The following SYT2 variants were observed in gnomAD, a reference collection of about 807,000 sequenced individuals.
The protein encoded by SYT2 is synaptotagmin 2.
A neutral mutation model predicts 39.9 loss-of-function variants in SYT2; 15 were observed. That is an observed-to-expected ratio of 0.38 (90% CI 0.25 to 0.58). The LOEUF (loss-of-function observed/expected upper bound fraction) is 0.58. SYT2 is among the 20% of genes least tolerant of loss of function. The pLI, the probability that SYT2 is intolerant of heterozygous loss-of-function variation, is 0.70. For missense variants in SYT2, 389 were observed against 530.3 expected, an observed-to-expected ratio of 0.73 and a Z score of 2.62; for synonymous variants, 181 against 204.5, an observed-to-expected ratio of 0.89 and a Z score of 0.98.
At position 202,691,223 on chromosome 1, in the gene SYT2, C is replaced by A. The variant is rs374727098; in HGVS notation, c.-18+19035G>T. 1.2e-4 allele frequency among the ~76,000 whole-genome samples: 18 copies of A among 152,302 alleles called. 1 individual carries two copies. Among genetic ancestry groups the A allele is most frequent in the African/African-American group, 4.3e-4 (18 of 41,566 alleles). On this transcript the variant is annotated intron_variant, in intron 1 of 8. Coordinates refer to ENST00000367268, the MANE Select transcript of SYT2 (RefSeq NM_177402.5). ...GTGGAGGGTTCCAAGTGATCCCACTCAGTATACAGAGCCTGGGCTAGCTTT... is the reference window on the plus strand; with the variant it reads ...GTGGAGGGTTCCAAGTGATCCCACTAAGTATACAGAGCCTGGGCTAGCTTT...
chr1:202,637,716 G>A (rs533636785), intron 1 of SYT2, among the ~76,000 whole-genome samples: 1 of 152,370 alleles, frequency 6.6e-6, no homozygotes, highest in Non-Finnish European at 1.5e-5. Flanking sequence ...GCTGAGGCCA[G>A]GCCAAGGGCC....
intron 3 of SYT2, 112 bp downstream of exon 3, chr1:202,604,343 G>A: frequency 9.2e-7 from 1 of 1,085,996 alleles, no homozygotes; most frequent in Non-Finnish European, 1.4e-6. Context: ...CAAGTTTTAA[G>A]GAGGGGAGCA....
At position 202,604,461 on chromosome 1, in the gene SYT2, C is replaced by G; in HGVS notation, c.339G>C (p.Gly113=). ...CACAACCAATGTGCCCTACCTGACC[C>G]CCTTTCATGTCCTTCATGTTCATGG... ...KNAMNMKDMK[G]GQDDDDAETG... The change falls in exon 3 of 9, where the codon GGG becomes GGC. Residue 113 remains glycine, a synonymous_variant. Transcript: ENST00000367268. The G allele has an allele frequency of 6.2e-7, 1 of 1,614,134 alleles. No homozygotes were observed.
chr1:202,702,806 G>A (rs1034440586), intron 1 of SYT2, among the ~76,000 whole-genome samples: 2 of 152,196 alleles, frequency 1.3e-5, no homozygotes, highest in African/African-American at 4.8e-5. Context: ...GTAAAGACCT[G>A]TACATTTGTT....
rs1370046597 is a variant in SYT2, at chr1:202,648,311, G to A, written c.-17-42522C>T. On this transcript the variant is annotated intron_variant, in intron 1 of 8. Transcript: ENST00000367268. ...TTCTCATGCCTCAGCCTCCCAAGTA[G>A]TTGGGACTACAGGCATGCACCACCA... Among the ~76,000 whole-genome samples, 10 of 152,180 alleles carry A rather than the reference G, an allele frequency of 6.6e-5. No individual in the cohort carries two copies. In the South Asian group the frequency reaches 1.9e-3, roughly 28 times the overall value.
intron 1 of SYT2, among the ~76,000 whole-genome samples, chr1:202,625,383 AGT>A (rs1372521687): frequency 2.7e-4 from 1 of 3,740 alleles, no homozygotes. Flanking sequence ...GTGTGTGTGT[AGT>A]GTGTGTGGTG....
intron 1 of SYT2, among the ~76,000 whole-genome samples, chr1:202,685,247 G>C (rs180758518): frequency 5.3e-5 from 8 of 152,262 alleles, no homozygotes; most frequent in Admixed American, 1.3e-4. Context: ...TCAGTTATAG[G>C]TTAAGAGAAA....
chr1:202,649,701 T>C (rs1572657499), intron 1 of SYT2, among the ~76,000 whole-genome samples: 1 of 152,188 alleles, frequency 6.6e-6, no homozygotes, highest in Non-Finnish European at 1.5e-5. Flanking sequence ...CTGAACAGCA[T>C]TGTAGACACT....
chr1:202,674,743 G>A (rs1323495423), intron 1 of SYT2, among the ~76,000 whole-genome samples: 1 of 152,106 alleles, frequency 6.6e-6, no homozygotes, highest in Non-Finnish European at 1.5e-5. Context: ...GACCTCAGCA[G>A]TCCAGGCCTC....
At position 202,591,929 on chromosome 1, in the gene SYT2, A is replaced by G. The variant is rs775633227; in HGVS notation, c.*4828T>C. 7.2e-5 allele frequency: 11 copies of G among 152,890 alleles called. No homozygotes were observed. Among genetic ancestry groups the G allele is most frequent in the Non-Finnish European group, 1.5e-4 (10 of 68,246 alleles). The allele number at this position is 152,890 out of a possible 1,614,324, so 9.5% of individuals were successfully genotyped here. A position where few individuals can be genotyped will look rare whatever the true frequency, so the allele number is the denominator to read the frequency against. On this transcript the variant is annotated 3_prime_UTR_variant, in exon 9 of 9. Transcript: ENST00000367268. ...ACTGTGAACCCAGGCCGAGAAAGCC[A>G]GCTCGGGCAGGGCCAGCATGGGCAT... is the stretch of plus-strand genomic sequence containing the variant.
intron 1 of SYT2, among the ~76,000 whole-genome samples, chr1:202,651,361 TG>T (rs1692191653): frequency 7.8e-6 from 1 of 127,536 alleles, no homozygotes; most frequent in Non-Finnish European, 1.7e-5. Context: ...CGCACAGGGG[TG>T]GGTGGGAGTG....
intron 1 of SYT2, among the ~76,000 whole-genome samples, chr1:202,669,358 A>G (rs1692539182): frequency 1.3e-5 from 2 of 151,688 alleles, no homozygotes; most frequent in African/African-American, 2.4e-5. Context: ...GTCTGTACAA[A>G]AAAATAATTT....
At position 202,595,726 on chromosome 1, in the gene SYT2, C is replaced by T. The variant is rs1690261598; in HGVS notation, c.*1031G>A. 6.6e-6 allele frequency: 1 copy of T among 152,234 alleles called. No homozygotes were observed. Among genetic ancestry groups the T allele is most frequent in the African/African-American group, 2.4e-5 (1 of 41,454 alleles). The allele number at this position is 152,234 out of a possible 1,614,324, so 9.4% of individuals were successfully genotyped here. A position where few individuals can be genotyped will look rare whatever the true frequency, so the allele number is the denominator to read the frequency against. On this transcript the variant is annotated 3_prime_UTR_variant, in exon 9 of 9. Transcript: ENST00000367268. Reference sequence around the variant, plus strand: ...GGGGAATAAATGCAAATGAACTTGGCTGCTTATATTCTGGAAAGGGAGAAA... The same window carrying T: ...GGGGAATAAATGCAAATGAACTTGGTTGCTTATATTCTGGAAAGGGAGAAA...
rs114334974 is a variant in SYT2 at position 202,681,032 on chromosome 1, T to A, written c.-18+29226A>T. Among the ~76,000 whole-genome samples the A allele has an allele frequency of 3.2e-3, 490 of 152,258 alleles. 2 individuals carry two copies. Among genetic ancestry groups the A allele is most frequent in the African/African-American group, 0.011 (476 of 41,544 alleles). The stretch of plus-strand genomic sequence containing the variant: ...GTCTCTGTTCAAGCCCTCCCTCAAA[T>A]GCAGTCCAGCTAATGCCTCAGTGAG... On this transcript the variant is annotated intron_variant, in intron 1 of 8. Transcript: ENST00000367268.
At chr1:202,678,029 T>C (rs1653422390) in intron 1 of SYT2, among the ~76,000 whole-genome samples, 1 of 152,144 alleles carries the variant, frequency 6.6e-6, no homozygotes, top group Non-Finnish European at 1.5e-5. Flanking sequence ...ATCCCAGCAC[T>C]TTGAGAGGCC....
intron 1 of SYT2, chr1:202,643,428 GCT>G (rs1421068433): frequency 6.6e-6 from 1 of 152,506 alleles, no homozygotes; most frequent in African/African-American, 2.4e-5. Flanking sequence ...GCGCTCGCTC[GCT>G]CTCGAGTCTC....
At position 202,593,197 on chromosome 1, in the gene SYT2, AGTTTT is replaced by A. The variant is rs1690185366; in HGVS notation, c.*3555_*3559del. 1 of 152,288 alleles carries A rather than the reference AGTTTT, an allele frequency of 6.6e-6. No homozygotes were observed. Among genetic ancestry groups the A allele is most frequent in the Non-Finnish European group, 1.5e-5 (1 of 68,092 alleles). The allele number at this position is 152,288 out of a possible 1,614,324, so 9.4% of individuals were successfully genotyped here. A position where few individuals can be genotyped will look rare whatever the true frequency, so the allele number is the denominator to read the frequency against. On this transcript the variant is annotated 3_prime_UTR_variant, in exon 9 of 9. Coordinates refer to ENST00000367268, the MANE Select transcript of SYT2 (RefSeq NM_177402.5). ...AGTGGGAGGGGACACCCTCAGGGAC[AGTTTT>A]TCTCTCTGTGAGGCTGGGTGAGACC...
chr1:202,603,207 C>G, intron 3 of SYT2, 89 bp from the exon 4 acceptor site: 1 of 1,530,456 alleles, frequency 6.5e-7, no homozygotes, highest in African/African-American at 1.4e-5. Flanking sequence ...ACCAGCCCCT[C>G]TGTGGTAGAC....
At chr1:202,626,398 CTTTTTT>C (rs58802666) in intron 1 of SYT2, among the ~76,000 whole-genome samples, 3 of 72,454 alleles carry the variant, frequency 4.1e-5, no homozygotes, top group Non-Finnish European at 5.5e-5. Context: ...AGCCTCTCAG[CTTTTTT>C]TTTTTTTTTT....
Sources: allele counts gnomAD v4.1 joint callset (sites outside exome capture counted in the v4.1 genomes callset), GRCh38; gene constraint gnomAD v4.1.1; transcripts MANE v1.5; gene names NCBI Gene and HGNC (gene_info 2026-07-23, HGNC 2026-07-21).